The following DOCK1 variants were observed in gnomAD, a reference collection of about 807,000 sequenced individuals.
The protein encoded by DOCK1 is dedicator of cytokinesis 1, also known as dedicator of cytokinesis protein 1.
In DOCK1, 138 loss-of-function variants were observed where a neutral mutation model predicts 262.7. That is an observed-to-expected ratio of 0.53 (90% CI 0.46 to 0.61). The LOEUF (loss-of-function observed/expected upper bound fraction) is 0.61, where lower values mean the gene tolerates loss of function less well. Among genes scored for constraint, DOCK1 ranks in the 20% least tolerant of loss-of-function variants. DOCK1 has a pLI of 0.00. For missense variants in DOCK1, 1,908 were observed against 2,370.7 expected, an observed-to-expected ratio of 0.80 and a Z score of 4.05; for synonymous variants, 866 against 867.4, an observed-to-expected ratio of 1.00 and a Z score of 0.03.
intron 33 of DOCK1, among the ~76,000 whole-genome samples, chr10:127,364,146 C>T: frequency 6.6e-6 from 1 of 152,096 alleles, no homozygotes; most frequent in East Asian, 1.9e-4. Flanking sequence ...ACCATGGGGC[C>T]CAACGCTGCA....
chr10:127,396,166 A>G, intron 38 of DOCK1, among the ~76,000 whole-genome samples: 3 of 135,636 alleles, frequency 2.2e-5, no homozygotes, highest in East Asian at 4.1e-4. Flanking sequence ...GCATTCAAGA[A>G]TCCCGGGCCA....
chr10:127,392,388 T>C (rs954823488), intron 38 of DOCK1, among the ~76,000 whole-genome samples: 2 of 152,096 alleles, frequency 1.3e-5, no homozygotes, highest in Admixed American at 6.5e-5. Context: ...GGCTGCCACC[T>C]CTGGATCTCC....
intron 44 of DOCK1, among the ~76,000 whole-genome samples, chr10:127,417,750 G>GA (rs1265646538): frequency 2.0e-5 from 3 of 151,962 alleles, no homozygotes; most frequent in Non-Finnish European, 4.4e-5. Context: ...TAATTTTTGT[G>GA]TTTTTAGTAG....
rs1465104464 is a variant in DOCK1 at position 126,949,965 on chromosome 10, T to C, written c.47-20737T>C. 2.0e-5 allele frequency among the ~76,000 whole-genome samples: 3 copies of C among 152,122 alleles called. No homozygotes were observed. In the East Asian group the frequency reaches 5.8e-4, roughly 29 times the overall value. On this transcript the variant is annotated intron_variant, in intron 1 of 51. Coordinates refer to ENST00000623213, the MANE Select transcript of DOCK1 (RefSeq NM_001290223.2). ...CAGTGTTGTGGCTAGGGACAGAAGC[T>C]GGGTCAGAAACATTAGCCCCCCAAA...
chr10:127,237,509 A>G (rs966127967), intron 27 of DOCK1, among the ~76,000 whole-genome samples: 1 of 152,218 alleles, frequency 6.6e-6, no homozygotes, highest in African/African-American at 2.4e-5. Context: ...ATACACCTCT[A>G]CAGTGGACAG....
At chr10:127,341,861 G>T (rs1451619529) in intron 30 of DOCK1, among the ~76,000 whole-genome samples, 1 of 152,170 alleles carries the variant, frequency 6.6e-6, no homozygotes, top group Non-Finnish European at 1.5e-5. Context: ...CCTGCTGTCG[G>T]CTGCATTCTG....
intron 13 of DOCK1, among the ~76,000 whole-genome samples, chr10:127,020,200 G>C (rs1175220102): frequency 6.6e-6 from 1 of 152,118 alleles, no homozygotes; most frequent in East Asian, 1.9e-4. Flanking sequence ...AATTAATTTA[G>C]GTTTATTAAT....
chr10:127,076,258 T>G (rs1332294806), intron 23 of DOCK1, among the ~76,000 whole-genome samples: 1 of 152,158 alleles, frequency 6.6e-6, no homozygotes, highest in Non-Finnish European at 1.5e-5. Context: ...TCCCGGCACT[T>G]TGGGAGGCCG....
intron 29 of DOCK1, among the ~76,000 whole-genome samples, chr10:127,264,122 A>G (rs2060273401): frequency 6.6e-6 from 1 of 152,186 alleles, no homozygotes; most frequent in Admixed American, 6.5e-5. Context: ...CGTATTGACT[A>G]CATAGCGTGT....
At chr10:127,070,726 A>G (rs2046180299) in intron 23 of DOCK1, among the ~76,000 whole-genome samples, 1 of 150,808 alleles carries the variant, frequency 6.6e-6, no homozygotes, top group Non-Finnish European at 1.5e-5. Flanking sequence ...AACTTCTTAG[A>G]ATCTAGTGTG....
At chr10:127,073,389 C>T (rs1340244) in intron 23 of DOCK1, among the ~76,000 whole-genome samples, 6,984 of 152,280 alleles carry the variant, frequency 0.046, 202 homozygotes, top group East Asian at 0.15. Context: ...TGGCACTACT[C>T]GACTTCAAGT....
At chr10:126,906,238 G>T (rs1410186707) in intron 1 of DOCK1, among the ~76,000 whole-genome samples, 3 of 152,196 alleles carry the variant, frequency 2.0e-5, no homozygotes, top group African/African-American at 4.8e-5. Flanking sequence ...GCTCTTTGTC[G>T]CTTCCGAGGG....
At chr10:127,332,964 T>C (rs1191669382) in intron 29 of DOCK1, among the ~76,000 whole-genome samples, 36 of 152,222 alleles carry the variant, frequency 2.4e-4, no homozygotes, top group Admixed American at 2.2e-3. Context: ...CCCTGAATTA[T>C]GCAGAAATCA....
chr10:126,929,742 G>C (rs992325872), intron 1 of DOCK1, among the ~76,000 whole-genome samples: 1 of 152,102 alleles, frequency 6.6e-6, no homozygotes, highest in Non-Finnish European at 1.5e-5. Context: ...GGAAGCAGGC[G>C]GGAGGGCACT....
At chr10:126,959,736 G>C (rs1026373934) in intron 1 of DOCK1, among the ~76,000 whole-genome samples, 3 of 152,206 alleles carry the variant, frequency 2.0e-5, no homozygotes, top group Non-Finnish European at 4.4e-5. Context: ...TGGACATAGG[G>C]GTTGGATCTC....
chr10:127,221,531 C>T (rs1296395741), intron 27 of DOCK1, among the ~76,000 whole-genome samples: 2 of 152,178 alleles, frequency 1.3e-5, no homozygotes, highest in Non-Finnish European at 2.9e-5. Context: ...CTCTGGGCAT[C>T]CATGTGCCCA....
At chr10:127,134,935 G>T (rs1793206023) in intron 27 of DOCK1, among the ~76,000 whole-genome samples, 1 of 152,136 alleles carries the variant, frequency 6.6e-6, no homozygotes. Flanking sequence ...AGCAGGAGAG[G>T]TAGGCGCTCA....
rs2041544100 is a variant in DOCK1 at position 127,012,578 on chromosome 10, G to T, written c.1201+204G>T. Among the ~76,000 whole-genome samples, 1 of 152,152 alleles carries T rather than the reference G, an allele frequency of 6.6e-6. No individual in the cohort carries two copies. ...CTTGCCCGTCACCTTTGTGAACATT[G>T]CTGAGAGCCCACTCCTGGATGGAGA... is the stretch of plus-strand genomic sequence containing the variant. On this transcript the variant is annotated intron_variant, in intron 12 of 51. Coordinates refer to ENST00000623213, the MANE Select transcript of DOCK1 (RefSeq NM_001290223.2). The surrounding 1 kb of genome is among the most constrained non-coding windows in gnomAD (Gnocchi z 4.0).
At chr10:127,296,195 G>A (rs2061498939) in intron 29 of DOCK1, among the ~76,000 whole-genome samples, 2 of 152,212 alleles carry the variant, frequency 1.3e-5, no homozygotes, top group African/African-American at 4.8e-5. Context: ...CATGCCATTC[G>A]ATTTTGTTAT....
Sources: gnomAD v4.1 joint callset for allele counts (sites outside exome capture counted in the v4.1 genomes callset) on GRCh38, gnomAD v4.1.1 for gene constraint, Gnocchi (gnomAD v3.1) non-coding constraint, MANE v1.5 for transcripts, NCBI Gene and HGNC (gene_info 2026-07-23, HGNC 2026-07-21) for gene names.